DLG2: variants seen among roughly 807,000 people sequenced by gnomAD.
DLG2 encodes discs large MAGUK scaffold protein 2, also known as disks large homolog 2.
Under a neutral mutation model 132.5 loss-of-function variants are expected in DLG2, and 45 were observed. The ratio of observed to expected loss-of-function variants is 0.34; its 90% CI spans 0.27 to 0.44. The LOEUF is 0.44. Ranked by LOEUF, DLG2 falls within the 20% of genes least tolerant of loss-of-function variation. The pLI is 1.00. For missense variants in DLG2, 1,045 were observed against 1,196.9 expected, an observed-to-expected ratio of 0.87 and a Z score of 1.87; for synonymous variants, 424 against 419.6, an observed-to-expected ratio of 1.01 and a Z score of -0.13.
At chr11:84,548,653 GC>G (rs2099395581) in intron 6 of DLG2, among the ~76,000 whole-genome samples, 1 of 152,078 alleles carries the variant, frequency 6.6e-6, no homozygotes, top group Non-Finnish European at 1.5e-5. Context: ...GTGTATATGT[GC>G]CACATTTTCT....
At chr11:85,603,981 A>G (rs577866556) in intron 2 of DLG2, among the ~76,000 whole-genome samples, 11 of 152,306 alleles carry the variant, frequency 7.2e-5, no homozygotes, top group African/African-American at 2.4e-4. Flanking sequence ...ATTCTCAAAA[A>G]TGTATTAACA....
At position 83,988,684 on chromosome 11, in the gene DLG2, A is replaced by G. The variant is rs141992345; in HGVS notation, c.920-8042T>C. On this transcript the variant is annotated intron_variant, in intron 11 of 27. Coordinates refer to ENST00000376104, the MANE Select transcript of DLG2 (RefSeq NM_001142699.3). ...TTCTAGAGTACTCCGACATAGTCAT[A>G]GACTGTCAATTTAGGGTCTTTGCTA... Among the ~76,000 whole-genome samples the G allele has an allele frequency of 3.3e-5, 5 of 152,220 alleles. No homozygotes were observed. In the East Asian group the frequency reaches 9.7e-4, roughly 29 times the overall value.
At chr11:84,472,755 A>G (rs1050919033) in intron 7 of DLG2, among the ~76,000 whole-genome samples, 3 of 151,948 alleles carry the variant, frequency 2.0e-5, no homozygotes, top group African/African-American at 7.2e-5. Context: ...AGGTTGTGAG[A>G]ATATGACCAT....
At chr11:84,374,923 G>T (rs1280353267) in intron 7 of DLG2, among the ~76,000 whole-genome samples, 3 of 152,040 alleles carry the variant, frequency 2.0e-5, no homozygotes, top group Admixed American at 6.6e-5. Context: ...AGAGAACTGT[G>T]TATTAACCCC....
chr11:83,775,466 G>A (rs982443665), intron 18 of DLG2, among the ~76,000 whole-genome samples: 3 of 152,172 alleles, frequency 2.0e-5, no homozygotes, highest in Admixed American at 1.3e-4. Flanking sequence ...TGTAAAATGA[G>A]TAAGGGAATA....
chr11:84,151,333 G>A (rs2095287047), intron 9 of DLG2, among the ~76,000 whole-genome samples: 2 of 151,990 alleles, frequency 1.3e-5, no homozygotes, highest in Admixed American at 6.6e-5. Flanking sequence ...TCTAGCTTGT[G>A]TGTATAGAGG....
At chr11:83,523,603 A>G (rs1220621943) in intron 21 of DLG2, among the ~76,000 whole-genome samples, 1 of 152,194 alleles carries the variant, frequency 6.6e-6, no homozygotes, top group Non-Finnish European at 1.5e-5. Context: ...TATTTATAAT[A>G]TTTACCTCAC....
chr11:85,010,544 G>C (rs757448516), intron 6 of DLG2, among the ~76,000 whole-genome samples: 5 of 152,080 alleles, frequency 3.3e-5, no homozygotes, highest in Admixed American at 3.3e-4. Flanking sequence ...GGCGGGTAAA[G>C]ATAGCTCTAA....
At chr11:84,402,681 G>T (rs2098833903) in intron 7 of DLG2, among the ~76,000 whole-genome samples, 1 of 151,808 alleles carries the variant, frequency 6.6e-6, no homozygotes, top group African/African-American at 2.4e-5. Context: ...AGGAGATAAA[G>T]ACCACCCCGG....
intron 6 of DLG2, among the ~76,000 whole-genome samples, chr11:84,718,064 A>G (rs77015610): frequency 0.015 from 2,267 of 152,152 alleles, 66 homozygotes; most frequent in African/African-American, 0.051. Flanking sequence ...GCTACAGTAG[A>G]AAGTCCCAAT....
intron 8 of DLG2, among the ~76,000 whole-genome samples, chr11:84,215,435 A>T (rs970024946): frequency 2.0e-5 from 3 of 151,426 alleles, no homozygotes; most frequent in Admixed American, 6.6e-5. Context: ...ACTATCAATT[A>T]TTTTTTTTTC....
intron 7 of DLG2, among the ~76,000 whole-genome samples, chr11:84,297,135 A>AC (rs2098101184): frequency 6.6e-6 from 1 of 152,040 alleles, no homozygotes; most frequent in African/African-American, 2.4e-5. Flanking sequence ...AATTTGAAAA[A>AC]AAAAAAACAC....
intron 4 of DLG2, among the ~76,000 whole-genome samples, chr11:85,216,311 A>G (rs898758930): frequency 2.6e-5 from 4 of 152,252 alleles, no homozygotes; most frequent in African/African-American, 9.6e-5. Flanking sequence ...TAGCAAAAGC[A>G]GAAAATAGGC....
intron 3 of DLG2, among the ~76,000 whole-genome samples, chr11:85,505,853 CT>C (rs1196553397): frequency 2.0e-5 from 3 of 152,112 alleles, no homozygotes; most frequent in Non-Finnish European, 4.4e-5. Context: ...TGGTCCTGGA[CT>C]TTTTGTGGTT....
At chr11:83,517,682 C>T (rs186848364) in intron 21 of DLG2, among the ~76,000 whole-genome samples, 260 of 152,244 alleles carry the variant, frequency 1.7e-3, no homozygotes, top group African/African-American at 5.9e-3. Context: ...ATGATGGTGA[C>T]GTACAGATGG....
chr11:84,545,388 C>T, intron 6 of DLG2: 3 of 517,088 alleles, frequency 5.8e-6, no homozygotes, highest in South Asian at 4.5e-5. Context: ...ACCATATCCA[C>T]AACCACCACG....
At chr11:84,608,758 A>G (rs879750179) in intron 6 of DLG2, among the ~76,000 whole-genome samples, 2 of 152,174 alleles carry the variant, frequency 1.3e-5, no homozygotes, top group Non-Finnish European at 1.5e-5. Context: ...ATGCTTTGTG[A>G]GACAGAAATC....
At chr11:85,088,372 G>A (rs1213285269) in intron 6 of DLG2, among the ~76,000 whole-genome samples, 1 of 152,166 alleles carries the variant, frequency 6.6e-6, no homozygotes, top group Admixed American at 6.5e-5. Flanking sequence ...CCTCTACTGA[G>A]CATCTTATAA....
At chr11:83,699,916 AT>A (rs1160067554) in intron 18 of DLG2, among the ~76,000 whole-genome samples, 1 of 143,678 alleles carries the variant, frequency 7.0e-6, no homozygotes, top group African/African-American at 2.7e-5. Context: ...TATCTATCTT[AT>A]CTATCCCCCC....
Sources: gnomAD v4.1 joint callset for allele counts (sites outside exome capture counted in the v4.1 genomes callset) on GRCh38, gnomAD v4.1.1 for gene constraint, MANE v1.5 for transcripts, NCBI Gene and HGNC (gene_info 2026-07-23, HGNC 2026-07-21) for gene names.